Variants in TRAP1 observed in about 807,000 individuals in gnomAD.
The protein encoded by TRAP1 is heat shock protein 75 kDa, mitochondrial.
Under a neutral mutation model 89.1 loss-of-function variants are expected in TRAP1, and 102 were observed. That is an observed-to-expected ratio of 1.15 (90% CI 0.98 to 1.35). TRAP1 has a LOEUF of 1.35. Among genes scored for constraint, TRAP1 ranks in the 40% most tolerant of loss-of-function variants. TRAP1 has a pLI of 0.00. For missense variants in TRAP1, 1,256 were observed against 945.3 expected, an observed-to-expected ratio of 1.33 and a Z score of -4.31; for synonymous variants, 508 against 388.0, an observed-to-expected ratio of 1.31 and a Z score of -3.64.
chr16:3,699,894 T>C (rs988919071), intron 1 of TRAP1, among the ~76,000 whole-genome samples: 1 of 151,518 alleles, frequency 6.6e-6, no homozygotes, highest in African/African-American at 2.4e-5. Context: ...AGGCTGGTCT[T>C]AAGCTCCTGG....
At chr16:3,707,752 G>A (rs2051469168) in intron 1 of TRAP1, among the ~76,000 whole-genome samples, 1 of 151,520 alleles carries the variant, frequency 6.6e-6, no homozygotes, top group African/African-American at 2.4e-5. Context: ...TACTCCAGAG[G>A]CTGAGGCAGG....
At chr16:3,664,013 A>G in intron 13 of TRAP1, 1 of 410,618 alleles carries the variant, frequency 2.4e-6, no homozygotes, top group Non-Finnish European at 4.3e-6. Context: ...CAGTGAGCCG[A>G]GATCGCACCA....
chr16:3,710,729 A>G (rs2051517009), intron 1 of TRAP1, among the ~76,000 whole-genome samples: 1 of 152,040 alleles, frequency 6.6e-6, no homozygotes, highest in African/African-American at 2.4e-5. Flanking sequence ...AACCCGACAC[A>G]CATAGTTACA....
intron 4 of TRAP1, among the ~76,000 whole-genome samples, chr16:3,682,591 C>T (rs952144937): frequency 6.6e-6 from 1 of 152,116 alleles, no homozygotes; most frequent in Non-Finnish European, 1.5e-5. Flanking sequence ...CAGGGTTTCA[C>T]CACGTTGCCC....
chr16:3,660,995 C>CTGTT (rs1473826049), intron 16 of TRAP1: 1 of 152,056 alleles, frequency 6.6e-6, no homozygotes, highest in Non-Finnish European at 1.5e-5. Flanking sequence ...TTCCTTTTTG[C>CTGTT]TGTTTTCTAT....
At chr16:3,679,813 T>C (rs2051051353) in intron 4 of TRAP1, 23 bp from the exon 5 acceptor site, 5 of 1,613,262 alleles carry the variant, frequency 3.1e-6, no homozygotes, top group Admixed American at 1.7e-5. Context: ...ACGCACTAAG[T>C]GCCAAGCCCC....
rs562915748 is a variant in TRAP1 at position 3,671,707 on chromosome 16, C to A, written c.1235+15G>T. 5.4e-5 allele frequency: 87 copies of A among 1,611,504 alleles called. No homozygotes were observed. In the South Asian group the frequency reaches 8.4e-4, roughly 15 times the overall value. On this transcript the variant is annotated intron_variant, in intron 11 of 17. Coordinates refer to ENST00000246957, the MANE Select transcript of TRAP1 (RefSeq NM_016292.3). ...TGTCCCCAGCAGGGTCCTCTCCCCGCGGCCCGAGGCTCACCTGATGAGTGC... is the reference window on the plus strand; with the variant it reads ...TGTCCCCAGCAGGGTCCTCTCCCCGAGGCCCGAGGCTCACCTGATGAGTGC...
chr16:3,690,867 T>C lies in TRAP1; in HGVS notation c.207A>G (p.Glu69=). The change falls in exon 2 of 18, where the codon GAA becomes GAG. Residue 69 remains glutamate, a synonymous_variant. Coordinates refer to ENST00000246957, the MANE Select transcript of TRAP1 (RefSeq NM_016292.3). ...FSTQTAEDKE[E]PLHSIISSTE... ...TGCTGCTGATAATCGAGTGCAGGGG[T>C]TCCTCCTTGTCCTCGGCGGTCTGCG... The C allele has an allele frequency of 6.3e-7, 1 of 1,575,454 alleles. No homozygotes were observed. Among genetic ancestry groups the C allele is most frequent in the Non-Finnish European group, 8.6e-7 (1 of 1,160,702 alleles).
At chr16:3,705,625 G>A (rs1314584344) in intron 1 of TRAP1, among the ~76,000 whole-genome samples, 2 of 152,148 alleles carry the variant, frequency 1.3e-5, no homozygotes, top group Admixed American at 6.6e-5. Flanking sequence ...TAACTGAAGA[G>A]CACTCCGCTG....
Position 3,689,115 on chromosome 16 carries a change from G to T in TRAP1, c.270C>A (p.Phe90Leu). The stretch of plus-strand genomic sequence containing the variant: ...CCAAAAGCTTCTTTGTCTCGGCCTG[G>T]AACTCATGTTTGGAAGTGGAACCTA... ...SVQGSTSKHE[F>L]QAETKKLLDI... The change falls in exon 3 of 18, where the codon TTC becomes TTA. Residue 90 changes from phenylalanine (F) to leucine (L), a missense_variant. Transcript: ENST00000246957. 6.2e-7 allele frequency: 1 copy of T among 1,613,848 alleles called. No individual in the cohort carries two copies. The highest frequency in any genetic ancestry group is 8.5e-7 in the Non-Finnish European group (1 of 1,179,914).
At chr16:3,683,728 G>T (rs1397793371) in intron 4 of TRAP1, among the ~76,000 whole-genome samples, 2 of 151,090 alleles carry the variant, frequency 1.3e-5, no homozygotes, top group Non-Finnish European at 2.9e-5. Context: ...TGGAGTAGAT[G>T]GCAACGCTGT....
At position 3,703,351 on chromosome 16, in the gene TRAP1, G is replaced by T. The variant is rs143690779; in HGVS notation, c.89-12366C>A. On this transcript the variant is annotated intron_variant, in intron 1 of 17. Coordinates refer to ENST00000246957, the MANE Select transcript of TRAP1 (RefSeq NM_016292.3). Reference sequence around the variant, plus strand: ...GAGGACTAACAAGTAAACTACAGACGTAAGGTAACACTTGGAAAGCATGGG... The same window carrying T: ...GAGGACTAACAAGTAAACTACAGACTTAAGGTAACACTTGGAAAGCATGGG... 7.7e-3 allele frequency among the ~76,000 whole-genome samples: 1,175 copies of T among 151,782 alleles called. 34 individuals are homozygous for T. The highest frequency in any genetic ancestry group is 0.026 in the African/African-American group (1,081 of 41,150).
intron 11 of TRAP1, among the ~76,000 whole-genome samples, chr16:3,669,324 A>G (rs977391486): frequency 6.6e-6 from 1 of 152,200 alleles, no homozygotes; most frequent in African/African-American, 2.4e-5. Flanking sequence ...TGAGGTCAGC[A>G]CAACTGCTGC....
chr16:3,668,206 G>A (rs1445161134), intron 11 of TRAP1, among the ~76,000 whole-genome samples: 1 of 151,976 alleles, frequency 6.6e-6, no homozygotes, highest in Non-Finnish European at 1.5e-5. Context: ...ACAGGAGTGA[G>A]CCATTGCGCC....
intron 5 of TRAP1, among the ~76,000 whole-genome samples, chr16:3,678,980 G>T (rs770059551): frequency 1.3e-5 from 2 of 152,162 alleles, no homozygotes; most frequent in African/African-American, 4.8e-5. Flanking sequence ...TGATGAGAAC[G>T]GGCTTGGGAT....
At chr16:3,683,720 G>T (rs1019773242) in intron 4 of TRAP1, among the ~76,000 whole-genome samples, 1 of 151,386 alleles carries the variant, frequency 6.6e-6, no homozygotes, top group African/African-American at 2.4e-5. Context: ...CTGGGTGTTG[G>T]AGTAGATGGC....
chr16:3,698,584 G>A (rs1297689408), intron 1 of TRAP1, among the ~76,000 whole-genome samples: 174 of 151,718 alleles, frequency 1.1e-3, no homozygotes, highest in Non-Finnish European at 6.2e-4. Context: ...TTACAGGCGT[G>A]AGCCACCGCG....
At chr16:3,713,986 C>G (rs150359761) in intron 1 of TRAP1, among the ~76,000 whole-genome samples, 234 of 152,366 alleles carry the variant, frequency 1.5e-3, no homozygotes, top group Admixed American at 2.4e-3. Flanking sequence ...TTCACCATCA[C>G]TCCTGCACAC....
chr16:3,663,745 A>C (rs2050750554), intron 13 of TRAP1, 183 bp from the exon 14 acceptor site: 11 of 692,884 alleles, frequency 1.6e-5, no homozygotes, highest in Non-Finnish European at 2.4e-5. Context: ...GAAGGCTCTG[A>C]CTGCCTTCAA....
Sources: allele counts gnomAD v4.1 joint callset (sites outside exome capture counted in the v4.1 genomes callset), GRCh38; gene constraint gnomAD v4.1.1; transcripts MANE v1.5; gene names NCBI Gene and HGNC (gene_info 2026-07-23, HGNC 2026-07-21).